DNAJC5: variants seen among roughly 807,000 people sequenced by gnomAD.
The protein encoded by DNAJC5 is DnaJ heat shock protein family (Hsp40) member C5.
DNAJC5 carries 1 observed loss-of-function variant against 23.2 expected under a neutral mutation model. The ratio of observed to expected loss-of-function variants is 0.04; its 90% CI spans 0.02 to 0.20. The LOEUF (loss-of-function observed/expected upper bound fraction) is 0.20. DNAJC5 is among the 10% of genes least tolerant of loss of function. The probability of loss-of-function intolerance (pLI) is 1.00; values close to 1 mark genes in which losing one functional copy is unlikely to be tolerated. For synonymous variants in DNAJC5, 136 were observed against 120.0 expected, an observed-to-expected ratio of 1.13 and a Z score of -0.87; for missense variants, 180 against 267.0, an observed-to-expected ratio of 0.67 and a Z score of 2.27.
chr20:63,918,969 T>C (rs1288259185), intron 1 of DNAJC5, among the ~76,000 whole-genome samples: 1 of 152,216 alleles, frequency 6.6e-6, no homozygotes, highest in African/African-American at 2.4e-5. Context: ...AAAATAGACT[T>C]CCTTTTAAGA....
intron 1 of DNAJC5, among the ~76,000 whole-genome samples, chr20:63,926,041 G>A (rs1056034872): frequency 1.3e-5 from 2 of 152,108 alleles, no homozygotes; most frequent in African/African-American, 4.8e-5. Flanking sequence ...TGTTAGCCAG[G>A]ATGGTCTCAA....
chr20:63,924,944 C>T (rs2053600038), intron 1 of DNAJC5, among the ~76,000 whole-genome samples: 2 of 152,254 alleles, frequency 1.3e-5, no homozygotes, highest in African/African-American at 4.8e-5. Flanking sequence ...ATGTACCGCA[C>T]TCAAGATCAA....
intron 1 of DNAJC5, among the ~76,000 whole-genome samples, chr20:63,895,733 A>G (rs2053370964): frequency 6.6e-6 from 1 of 152,152 alleles, no homozygotes; most frequent in Admixed American, 6.5e-5. Flanking sequence ...GGAGGCAGAT[A>G]ATTTAGTCCC....
At position 63,929,558 on chromosome 20, in the gene DNAJC5, G is replaced by A. The variant is rs1568989434; in HGVS notation, c.321+33G>A. 3 of 1,609,556 alleles carry A rather than the reference G, an allele frequency of 1.9e-6. No homozygotes were observed. The highest frequency in any genetic ancestry group is 1.7e-6 in the Non-Finnish European group (2 of 1,178,608). On this transcript the variant is annotated intron_variant, in intron 3 of 4. Transcript: ENST00000360864. This position sits in a 1 kb window ranked among gnomAD's most constrained non-coding sequence, Gnocchi z 8.6. Reference sequence around the variant, plus strand: ...CGAGCTGCCTGCCGTGCGGGCACCCGAGTCACTCCTGCCGTGCGGGCACCC... The same window carrying A: ...CGAGCTGCCTGCCGTGCGGGCACCCAAGTCACTCCTGCCGTGCGGGCACCC...
At position 63,935,912 on chromosome 20, in the gene DNAJC5, C is replaced by G. The variant is rs369210127; in HGVS notation, c.*4344C>G. On this transcript the variant is annotated 3_prime_UTR_variant, in exon 5 of 5. Transcript: ENST00000360864. Reference sequence around the variant, plus strand: ...TGTCAGACTCCGGCTGATCCTGGCTCGAGCACACACATCTAAGGGCCAGGC... The same window carrying G: ...TGTCAGACTCCGGCTGATCCTGGCTGGAGCACACACATCTAAGGGCCAGGC... The G allele has an allele frequency of 4.6e-5, 7 of 152,332 alleles. No homozygotes were observed. The highest frequency in any genetic ancestry group is 1.7e-4 in the African/African-American group (7 of 41,566). The allele number at this position is 152,332 out of a possible 1,614,324, so 9.4% of individuals were successfully genotyped here.
In DNAJC5 at chr20:63,929,407, C is replaced by A; in HGVS notation, c.203C>A (p.Thr68Lys). Residue 68 changes from threonine to lysine, a missense_variant, in exon 3 of 5, where the codon ACG becomes AAG. Thr to Lys is a moderately conservative substitution (Grantham distance 78). Transcript: ENST00000360864. The surrounding 1 kb of genome is among the most constrained non-coding windows in gnomAD (Gnocchi z 8.6). Reference sequence around the variant, plus strand: ...ATCAACAACGCGCACGCCATCCTCACGGACGCCACAAAAAGGAACATCTAC... The same window carrying A: ...ATCAACAACGCGCACGCCATCCTCAAGGACGCCACAAAAAGGAACATCTAC... ...KEINNAHAIL[T>K]DATKRNIYDK... The A allele has an allele frequency of 6.2e-7, 1 of 1,614,190 alleles. No homozygotes were observed.
chr20:63,904,148 T>A (rs2053432392), intron 1 of DNAJC5, among the ~76,000 whole-genome samples: 1 of 152,172 alleles, frequency 6.6e-6, no homozygotes. Flanking sequence ...GAATATGCAT[T>A]AGCCGTAATC....
intron 1 of DNAJC5, among the ~76,000 whole-genome samples, chr20:63,904,219 A>G (rs2053432859): frequency 6.6e-6 from 1 of 152,222 alleles, no homozygotes; most frequent in South Asian, 2.1e-4. Context: ...GTATAAAGGT[A>G]TAATATTGAA....
chr20:63,897,835 G>T (rs1286087195), intron 1 of DNAJC5, among the ~76,000 whole-genome samples: 1 of 152,178 alleles, frequency 6.6e-6, no homozygotes, highest in African/African-American at 2.4e-5. Flanking sequence ...GTGACTTGCA[G>T]ACTCTGGAGT....
chr20:63,895,429 TGGC>T (rs1391788099), intron 1 of DNAJC5, 106 bp downstream of exon 1: 2 of 143,828 alleles, frequency 1.4e-5, no homozygotes, highest in African/African-American at 5.1e-5. Context: ...GAGCCGGAAA[TGGC>T]GGCGACCCCC....
chr20:63,922,076 G>GC (rs1427697622), intron 1 of DNAJC5, among the ~76,000 whole-genome samples: 1 of 151,902 alleles, frequency 6.6e-6, no homozygotes, highest in African/African-American at 2.4e-5. Flanking sequence ...ACCACTCCCG[G>GC]CCCCCTTGAA....
At chr20:63,913,738 G>A (rs547852258) in intron 1 of DNAJC5, among the ~76,000 whole-genome samples, 3 of 152,076 alleles carry the variant, frequency 2.0e-5, no homozygotes, top group South Asian at 2.1e-4. Flanking sequence ...CTACGACCAC[G>A]CCCAGCTAAT....
chr20:63,913,646 T>A (rs536722703), intron 1 of DNAJC5, among the ~76,000 whole-genome samples: 1 of 152,132 alleles, frequency 6.6e-6, no homozygotes, highest in Non-Finnish European at 1.5e-5. Flanking sequence ...CCATCTTGGC[T>A]CACTGCAACC....
chr20:63,907,410 G>C (rs1439905471), intron 1 of DNAJC5, among the ~76,000 whole-genome samples: 1 of 152,286 alleles, frequency 6.6e-6, no homozygotes, highest in East Asian at 1.9e-4. Flanking sequence ...GGGTCTGACC[G>C]CTTTATTCAA....
At chr20:63,918,819 C>G (rs2053537165) in intron 1 of DNAJC5, among the ~76,000 whole-genome samples, 1 of 152,248 alleles carries the variant, frequency 6.6e-6, no homozygotes, top group Non-Finnish European at 1.5e-5. Flanking sequence ...TGGTCTCGAT[C>G]TCCTGACCTT....
In DNAJC5 at chr20:63,928,595, T is replaced by C. The variant is rs1201732836; in HGVS notation, c.107+143T>C. The stretch of plus-strand genomic sequence containing the variant: ...GAACTGGTCACAGCTCGGTAACACC[T>C]TTGTATGTGTAATGTGCTCCTTATA... On this transcript the variant is annotated intron_variant, in intron 2 of 4. Transcript: ENST00000360864. This position sits in a 1 kb window ranked among gnomAD's most constrained non-coding sequence, Gnocchi z 4.6. The C allele has an allele frequency of 1.4e-6, 1 of 719,028 alleles. No homozygotes were observed. The highest frequency in any genetic ancestry group is 2.5e-6 in the Non-Finnish European group (1 of 396,248). The allele number at this position is 719,028 out of a possible 1,614,324, so 44.5% of individuals were successfully genotyped here.
At chr20:63,926,774 C>G (rs12481368) in intron 1 of DNAJC5, among the ~76,000 whole-genome samples, 1 of 152,278 alleles carries the variant, frequency 6.6e-6, no homozygotes, top group Admixed American at 6.5e-5. Flanking sequence ...CACAGGGCAG[C>G]GCAGTTGGCT....
chr20:63,905,154 C>T (rs1442338550), intron 1 of DNAJC5, among the ~76,000 whole-genome samples: 3 of 138,518 alleles, frequency 2.2e-5, no homozygotes, highest in African/African-American at 5.4e-5. Context: ...TCGCTCTTGT[C>T]GCCCAGGCTG....
At chr20:63,901,489 C>G (rs1468093997) in intron 1 of DNAJC5, among the ~76,000 whole-genome samples, 1 of 152,216 alleles carries the variant, frequency 6.6e-6, no homozygotes, top group Non-Finnish European at 1.5e-5. Flanking sequence ...CCGTCTTACT[C>G]TTGACCCTTG....
Sources: gnomAD v4.1 joint callset for allele counts (sites outside exome capture counted in the v4.1 genomes callset) on GRCh38, gnomAD v4.1.1 for gene constraint, Gnocchi (gnomAD v3.1) non-coding constraint, MANE v1.5 for transcripts, NCBI Gene and HGNC (gene_info 2026-07-23, HGNC 2026-07-21) for gene names.